Variants in DTWD2 observed in about 807,000 individuals in gnomAD.
DTWD2 encodes the protein DTW motif tRNA-uridine aminocarboxypropyltransferase 2.
In DTWD2, 39 loss-of-function variants were observed where a neutral mutation model predicts 31.8. The observed-to-expected ratio is 1.22, with a 90% CI of 0.95 to 1.60. The LOEUF is 1.60. Among genes scored for constraint, DTWD2 ranks in the 40% most tolerant of loss-of-function variants. DTWD2 has a pLI of 0.00. For missense variants in DTWD2, 515 were observed against 381.5 expected (o/e 1.35, Z -2.92); for synonymous variants, 180 against 142.8 (o/e 1.26, Z -1.86).
chr5:118,954,636 G>A lies in DTWD2; in HGVS notation c.219-9987C>T, dbSNP rs1041563339. ...CAAGCAATTCTCATGCCTCAGCCTCGTGAGTAGCTGAGGTTACAGGTGTGC... is the reference window on the plus strand; with the variant it reads ...CAAGCAATTCTCATGCCTCAGCCTCATGAGTAGCTGAGGTTACAGGTGTGC... On this transcript the variant is annotated intron_variant, in intron 1 of 5. Transcript: ENST00000510708. Among the ~76,000 whole-genome samples, 9 of 152,160 alleles carry A rather than the reference G, an allele frequency of 5.9e-5. No individual in the cohort carries two copies. The South Asian group carries it at 6.2e-4, about 11-fold the overall frequency.
chr5:118,872,453 A>G (rs549879529), intron 4 of DTWD2, among the ~76,000 whole-genome samples: 1 of 152,336 alleles, frequency 6.6e-6, no homozygotes, highest in South Asian at 2.1e-4. Context: ...CTTTCACTTG[A>G]ACGCTTAGAG....
intron 5 of DTWD2, among the ~76,000 whole-genome samples, chr5:118,846,184 A>G (rs948307135): frequency 6.6e-6 from 1 of 152,138 alleles, no homozygotes; most frequent in African/African-American, 2.4e-5. Context: ...TTGATTTTTA[A>G]ATTTATCTTT....
In DTWD2 at chr5:118,973,622, GC is replaced by G. The variant is rs1314848285; in HGVS notation, c.218+14671del. Among the ~76,000 whole-genome samples the G allele has an allele frequency of 2.1e-4, 5 of 23,260 alleles. No homozygotes were observed. The East Asian group carries it at 0.28, about 1,292-fold the overall frequency. The allele number at this position is 23,260 out of a possible 152,430, so 15.3% of individuals were successfully genotyped here. On this transcript the variant is annotated intron_variant, in intron 1 of 5. Coordinates refer to ENST00000510708, the MANE Select transcript of DTWD2 (RefSeq NM_173666.4). Reference sequence around the variant, plus strand: ...TTCCTCGTCCGCCTCCTTGCTCGCGGCAGCCTCCTTGCTCGCGGCAGCCTCC... The same window carrying G: ...TTCCTCGTCCGCCTCCTTGCTCGCGGAGCCTCCTTGCTCGCGGCAGCCTCC...
intron 4 of DTWD2, among the ~76,000 whole-genome samples, chr5:118,866,225 T>C (rs1413689871): frequency 6.6e-6 from 1 of 152,206 alleles, no homozygotes. Context: ...CTTAAAGTTC[T>C]TGAATTAGTT....
intron 1 of DTWD2, 118 bp downstream of exon 1, chr5:118,988,176 C>T: frequency 7.8e-7 from 1 of 1,289,012 alleles, no homozygotes; most frequent in Non-Finnish European, 1.1e-6. Context: ...GTGCACCCGC[C>T]AACTCCGCCG....
chr5:118,923,894 A>G (rs926865685), intron 4 of DTWD2, among the ~76,000 whole-genome samples: 2 of 152,214 alleles, frequency 1.3e-5, no homozygotes, highest in African/African-American at 4.8e-5. Context: ...CACCTCAGAC[A>G]GACACTGGAA....
At chr5:118,977,507 A>G (rs1755192348) in intron 1 of DTWD2, among the ~76,000 whole-genome samples, 1 of 152,200 alleles carries the variant, frequency 6.6e-6, no homozygotes, top group South Asian at 2.1e-4. Flanking sequence ...TATAAAATCA[A>G]TGTGCAAAAA....
chr5:118,870,378 G>A (rs7706815), intron 4 of DTWD2, among the ~76,000 whole-genome samples: 5,929 of 152,148 alleles, frequency 0.039, 385 homozygotes, highest in African/African-American at 0.13. Flanking sequence ...ACACTTGATT[G>A]GTTGGTTATT....
At chr5:118,967,792 C>A (rs1475821394) in intron 1 of DTWD2, among the ~76,000 whole-genome samples, 1 of 152,076 alleles carries the variant, frequency 6.6e-6, no homozygotes, top group East Asian at 1.9e-4. Flanking sequence ...TAGAGAATCA[C>A]CATCAGAGCA....
intron 2 of DTWD2, among the ~76,000 whole-genome samples, chr5:118,940,435 T>C (rs1481918507): frequency 6.6e-6 from 1 of 152,236 alleles, no homozygotes; most frequent in African/African-American, 2.4e-5. Context: ...AATGCCACAG[T>C]TGTTCCCAGA....
At chr5:118,875,563 GAAAAAAAAAA>G (rs34990814) in intron 4 of DTWD2, among the ~76,000 whole-genome samples, 2 of 44,556 alleles carry the variant, frequency 4.5e-5, no homozygotes, top group East Asian at 7.4e-4. Context: ...CCTAGTTTCT[GAAAAAAAAAA>G]AAAAAAAAAA....
intron 4 of DTWD2, among the ~76,000 whole-genome samples, chr5:118,890,522 A>T (rs541201289): frequency 2.4e-4 from 37 of 151,868 alleles, no homozygotes; most frequent in South Asian, 1.5e-3. Flanking sequence ...TCAGAAGTCA[A>T]ATAAATGTAT....
chr5:118,881,578 ACC>A, intron 4 of DTWD2, among the ~76,000 whole-genome samples: 1 of 152,134 alleles, frequency 6.6e-6, no homozygotes, highest in Non-Finnish European at 1.5e-5. Flanking sequence ...TAAAGATACT[ACC>A]TGAGACTAGG....
intron 4 of DTWD2, among the ~76,000 whole-genome samples, chr5:118,912,789 A>C (rs2149571443): frequency 6.6e-6 from 1 of 152,308 alleles, no homozygotes; most frequent in Middle Eastern, 3.4e-3. Flanking sequence ...TGAGAAAAAC[A>C]GTAGAATTCA....
At chr5:118,915,473 C>G (rs1305976533) in intron 4 of DTWD2, among the ~76,000 whole-genome samples, 1 of 151,164 alleles carries the variant, frequency 6.6e-6, no homozygotes, top group Non-Finnish European at 1.5e-5. Flanking sequence ...CTCCCAGGTT[C>G]ACGCCATTCT....
chr5:118,957,453 C>A (rs1238282680), intron 1 of DTWD2, among the ~76,000 whole-genome samples: 7 of 152,090 alleles, frequency 4.6e-5, no homozygotes, highest in Non-Finnish European at 1.0e-4. Flanking sequence ...AACTCCTGAC[C>A]TCGTGATCTG....
At position 118,988,363 on chromosome 5, in the gene DTWD2, T is replaced by C. The variant is rs765263197; in HGVS notation, c.149A>G (p.Asp50Gly). 7.0e-6 allele frequency: 11 copies of C among 1,568,968 alleles called. No individual in the cohort carries two copies. In the Admixed American group the frequency reaches 7.5e-5, roughly 11 times the overall value. ...CAGCTCCCACAGCCCGTCCGCACTG[T>C]CGTCGTCCGCCTCTGCGCCCAGGGC... is the stretch of plus-strand genomic sequence containing the variant. ...AAALGAEADD[D>G]SADGLWELPV... The change falls in exon 1 of 6, where the codon GAC (aspartate) becomes GGC (glycine). Residue 50 changes from aspartate (D) to glycine (G), a missense_variant. Coordinates refer to ENST00000510708, the MANE Select transcript of DTWD2 (RefSeq NM_173666.4).
intron 1 of DTWD2, among the ~76,000 whole-genome samples, chr5:118,949,099 G>T (rs968216685): frequency 2.0e-5 from 3 of 150,968 alleles, no homozygotes; most frequent in Non-Finnish European, 2.9e-5. Context: ...TTTGAGAACA[G>T]ATGTTGGAGG....
chr5:118,939,597 A>T (rs893863083), intron 2 of DTWD2, among the ~76,000 whole-genome samples: 1 of 152,164 alleles, frequency 6.6e-6, no homozygotes, highest in Non-Finnish European at 1.5e-5. Context: ...TGAATCATTT[A>T]CTCTGACAAG....
Sources: gnomAD v4.1 joint callset for allele counts (sites outside exome capture counted in the v4.1 genomes callset) on GRCh38, gnomAD v4.1.1 for gene constraint, MANE v1.5 for transcripts, NCBI Gene and HGNC (gene_info 2026-07-23, HGNC 2026-07-21) for gene names.